PIK3CD: variants seen among roughly 807,000 people sequenced by gnomAD.
PIK3CD encodes the protein phosphatidylinositol 4,5-bisphosphate 3-kinase catalytic subunit delta isoform.
Under a neutral mutation model 122.9 loss-of-function variants are expected in PIK3CD, and 20 were observed. That is an observed-to-expected ratio of 0.16 (90% CI 0.11 to 0.24). The LOEUF (loss-of-function observed/expected upper bound fraction) is 0.24, where lower values mean the gene tolerates loss of function less well. Ranked by LOEUF, PIK3CD falls within the 10% of genes least tolerant of loss-of-function variation. PIK3CD has a pLI of 1.00. For missense variants in PIK3CD, 787 were observed against 1,406.3 expected (o/e 0.56, Z 7.04); for synonymous variants, 596 against 593.4 (o/e 1.00, Z -0.06).
the PIK3CD span, among the ~76,000 whole-genome samples, chr1:9,646,296 C>G: frequency 5.3e-5 from 8 of 152,116 alleles, no homozygotes; most frequent in Non-Finnish European, 7.4e-5. Flanking sequence ...TCCTCAGCCC[C>G]GGTAAGTTCA....
chr1:9,642,696 G>T, the PIK3CD span, among the ~76,000 whole-genome samples: 1 of 138,848 alleles, frequency 7.2e-6, no homozygotes, highest in East Asian at 2.2e-4. Context: ...CAGCCTGGGC[G>T]AAAGAGCGAG....
chr1:9,723,431 T>A lies in PIK3CD; in HGVS notation c.2594+139T>A. 1 of 870,736 alleles carries A rather than the reference T, an allele frequency of 1.1e-6. No individual in the cohort carries two copies. Among genetic ancestry groups the A allele is most frequent in the Non-Finnish European group, 1.9e-6 (1 of 521,802 alleles). The allele number at this position is 870,736 out of a possible 1,614,324, so 53.9% of individuals were successfully genotyped here. On this transcript the variant is annotated intron_variant, in intron 20 of 23. Transcript: ENST00000377346. The surrounding 1 kb of genome is among the most constrained non-coding windows in gnomAD (Gnocchi z 4.9). ...TACTTGGCTCAGTTGAGGACCAGCC[T>A]GTGTCTGGGTTGGGGTGAGGTAGGT...
At chr1:9,642,641 C>T in the PIK3CD span, among the ~76,000 whole-genome samples, 6 of 149,348 alleles carry the variant, frequency 4.0e-5, 1 homozygote, top group South Asian at 4.3e-4. Flanking sequence ...GGTGTGAACC[C>T]GGGAGGCGGA....
intron 1 of PIK3CD, among the ~76,000 whole-genome samples, chr1:9,682,594 G>A (rs1229899967): frequency 6.6e-6 from 1 of 152,188 alleles, no homozygotes; most frequent in Admixed American, 6.5e-5. Flanking sequence ...CTGTTGTCCA[G>A]GCTGGAGTGC....
At position 9,710,644 on chromosome 1, in the gene PIK3CD, GAGAGAGAGAGAC is replaced by G. The variant is rs1385427169; in HGVS notation, c.141+50_141+61del. On this transcript the variant is annotated intron_variant, in intron 3 of 23. Transcript: ENST00000377346. This position sits in a 1 kb window ranked among gnomAD's most constrained non-coding sequence, Gnocchi z 4.7. ...AGACCTTGGTGCTCAGAGAGAGAGA[GAGAGAGAGAGAC>G]ACAGATAGACAGACAGACAGACAGA... 1 of 1,600,356 alleles carries G rather than the reference GAGAGAGAGAGAC, an allele frequency of 6.2e-7. No homozygotes were observed.
At chr1:9,627,302 C>T in the PIK3CD span, among the ~76,000 whole-genome samples, 2 of 152,242 alleles carry the variant, frequency 1.3e-5, no homozygotes, top group Admixed American at 1.3e-4. Context: ...CACCCGGGCT[C>T]CGTGGCGGCC....
upstream of PIK3CD, among the ~76,000 whole-genome samples, chr1:9,650,131 A>C (rs1019655881): frequency 5.3e-5 from 6 of 112,456 alleles, no homozygotes; most frequent in African/African-American, 2.8e-4. Context: ...TTCAGAAAGG[A>C]ATAGGGCTTG....
chr1:9,673,946 C>T (rs1400683458), intron 1 of PIK3CD, among the ~76,000 whole-genome samples: 3 of 152,178 alleles, frequency 2.0e-5, no homozygotes, highest in African/African-American at 7.2e-5. Flanking sequence ...GCAGGCATGG[C>T]GACCTCTGTG....
chr1:9,693,318 G>A (rs558317389), intron 2 of PIK3CD, among the ~76,000 whole-genome samples: 24 of 152,204 alleles, frequency 1.6e-4, no homozygotes, highest in Middle Eastern at 3.4e-3. Flanking sequence ...TCCGCCTCCC[G>A]GGTTCAAGCG....
chr1:9,694,151 A>G (rs1222188019), intron 2 of PIK3CD, among the ~76,000 whole-genome samples: 1 of 152,214 alleles, frequency 6.6e-6, no homozygotes, highest in Non-Finnish European at 1.5e-5. Context: ...GCCTCTGGGC[A>G]GACCCTTGGA....
the PIK3CD span, among the ~76,000 whole-genome samples, chr1:9,631,357 A>G: frequency 1.3e-5 from 2 of 152,248 alleles, no homozygotes; most frequent in African/African-American, 2.4e-5. Context: ...AAGGATTACC[A>G]AAAGGGGGTC....
At chr1:9,706,050 A>ATTTTTTTTTTTTTTTTTTTTTTTTTTTT (rs140912843) in intron 2 of PIK3CD, among the ~76,000 whole-genome samples, 1 of 85,188 alleles carries the variant, frequency 1.2e-5, no homozygotes, top group Non-Finnish European at 2.2e-5. Context: ...ATTTATTGGA[A>ATTTTTTTTTTTTTTTTTTTTTTTTTTTT]TTTTTTTTTT....
intron 1 of PIK3CD, among the ~76,000 whole-genome samples, chr1:9,667,739 CTTT>C (rs367559680): frequency 9.5e-5 from 13 of 136,910 alleles, no homozygotes; most frequent in Admixed American, 2.2e-4. Context: ...TTTTCTTTTT[CTTT>C]TTTTTTTTTT....
At chr1:9,679,266 C>T (rs1046378568) in intron 1 of PIK3CD, among the ~76,000 whole-genome samples, 4 of 151,962 alleles carry the variant, frequency 2.6e-5, no homozygotes, top group Admixed American at 2.0e-4. Flanking sequence ...CGGGGTTTCA[C>T]GGTGTTGGCC....
intron 1 of PIK3CD, among the ~76,000 whole-genome samples, chr1:9,664,335 C>T (rs1354920377): frequency 6.6e-6 from 1 of 152,168 alleles, no homozygotes; most frequent in Non-Finnish European, 1.5e-5. Flanking sequence ...AGGCGTGAAC[C>T]ACTGCACCCA....
chr1:9,710,658 CAGATAG>C lies in PIK3CD; in HGVS notation c.141+64_141+69del, dbSNP rs1403984156. Reference sequence around the variant, plus strand: ...AGAGAGAGAGAGAGAGAGAGAGACACAGATAGACAGACAGACAGACAGACAGATGGA... The same window carrying C: ...AGAGAGAGAGAGAGAGAGAGAGACACACAGACAGACAGACAGACAGATGGA... On this transcript the variant is annotated intron_variant, in intron 3 of 23. Coordinates refer to ENST00000377346, the MANE Select transcript of PIK3CD (RefSeq NM_005026.5). This position sits in a 1 kb window ranked among gnomAD's most constrained non-coding sequence, Gnocchi z 4.7. 1.3e-5 allele frequency: 18 copies of C among 1,411,072 alleles called. No homozygotes were observed. The African/African-American group carries it at 1.8e-4, about 14-fold the overall frequency. The allele number at this position is 1,411,072 out of a possible 1,614,324, so 87.4% of individuals were successfully genotyped here. A position where few individuals can be genotyped will look rare whatever the true frequency, so the allele number is the denominator to read the frequency against.
chr1:9,632,686 G>A, the PIK3CD span, among the ~76,000 whole-genome samples: 1 of 152,136 alleles, frequency 6.6e-6, no homozygotes, highest in Non-Finnish European at 1.5e-5. Flanking sequence ...CTTGGGGTTT[G>A]CTCTGTGGCT....
In PIK3CD at chr1:9,724,252, C is replaced by A. The variant is rs556221078; in HGVS notation, c.2719-24C>A. ...TCCTGTCTGACACCTTCTCAATCCT[C>A]CCCCTCCTCTCCCCTCCCCTCAGCT... On this transcript the variant is annotated intron_variant, in intron 21 of 23. Coordinates refer to ENST00000377346, the MANE Select transcript of PIK3CD (RefSeq NM_005026.5). This position sits in a 1 kb window ranked among gnomAD's most constrained non-coding sequence, Gnocchi z 7.3. 24 of 1,613,872 alleles carry A rather than the reference C, an allele frequency of 1.5e-5. No homozygotes were observed. Among genetic ancestry groups the A allele is most frequent in the Admixed American group, 1.3e-4 (8 of 60,018 alleles).
chr1:9,637,042 C>T, the PIK3CD span, among the ~76,000 whole-genome samples: 594 of 152,094 alleles, frequency 3.9e-3, 3 homozygotes, highest in African/African-American at 0.014. Context: ...GGACTACAGG[C>T]GCCCGCCACC....
Sources: gnomAD v4.1 joint callset for allele counts (sites outside exome capture counted in the v4.1 genomes callset) on GRCh38, gnomAD v4.1.1 for gene constraint, Gnocchi (gnomAD v3.1) non-coding constraint, MANE v1.5 for transcripts, NCBI Gene and HGNC (gene_info 2026-07-23, HGNC 2026-07-21) for gene names.